Variants in DYNC2H1 observed in about 807,000 individuals in gnomAD.
DYNC2H1 encodes the protein dynein cytoplasmic 2 heavy chain 1.
In DYNC2H1, 410 loss-of-function variants were observed where a neutral mutation model predicts 570.0. That is an observed-to-expected ratio of 0.72 (90% confidence interval 0.66 to 0.78). The LOEUF is 0.78. Ranked by LOEUF, DYNC2H1 falls within the 30% of genes least tolerant of loss-of-function variation. The pLI is 0.00. For synonymous variants in DYNC2H1, 1,688 were observed against 1,677.6 expected (o/e 1.01, Z -0.15); for missense variants, 4,865 against 5,046.4 (o/e 0.96, Z 1.09).
At chr11:103,117,605 A>C in intron 5 of DYNC2H1, 26 bp from the exon 6 acceptor site, 1 of 1,510,920 alleles carries the variant, frequency 6.6e-7, no homozygotes, top group South Asian at 1.3e-5. Context: ...TATTTCCCTT[A>C]AACTCTTTGC....
intron 47 of DYNC2H1, among the ~76,000 whole-genome samples, chr11:103,194,403 C>T (rs1447923223): frequency 6.6e-6 from 1 of 152,040 alleles, no homozygotes; most frequent in African/African-American, 2.4e-5. Flanking sequence ...TTTGTGTGAA[C>T]ATACATTTTT....
chr11:103,121,533 T>C, intron 10 of DYNC2H1, 37 bp downstream of exon 10: 3 of 1,594,106 alleles, frequency 1.9e-6, no homozygotes, highest in Non-Finnish European at 2.6e-6. Context: ...GTACTAATTA[T>C]AAAATCTGCT....
intron 17 of DYNC2H1, among the ~76,000 whole-genome samples, chr11:103,138,830 C>A (rs547984776): frequency 7.9e-5 from 12 of 152,082 alleles, no homozygotes; most frequent in South Asian, 2.1e-4. Flanking sequence ...TCGGCTGTGA[C>A]TCCATCTGGT....
chr11:103,297,740 T>C (rs1404370296), intron 75 of DYNC2H1, among the ~76,000 whole-genome samples: 8 of 152,128 alleles, frequency 5.3e-5, no homozygotes, highest in Non-Finnish European at 8.8e-5. Flanking sequence ...TTTTCTTTCT[T>C]TCTATACTCA....
chr11:103,125,176 G>T lies in DYNC2H1; in HGVS notation c.1738G>T (p.Val580Leu). The T allele has an allele frequency of 6.2e-7, 1 of 1,613,648 alleles. No homozygotes were observed. Among genetic ancestry groups the T allele is most frequent in the Non-Finnish European group, 8.5e-7 (1 of 1,179,770 alleles). ...AAAAGTGCATTATTCAGATCGTTTG[G>T]TGATTCTTCTGAGAGAAGTTCGTCA... Reference protein sequence around the residue: ...LLKVHYSDRLVILLREVRQLS... With the variant: ...LLKVHYSDRLLILLREVRQLS... Residue 580 changes from valine to leucine, a missense_variant, in exon 12 of 89, where the codon GTG becomes TTG. By Grantham distance (32) the Val-to-Leu change is conservative (BLOSUM62 1). Transcript: ENST00000375735.
Position 103,168,828 on chromosome 11 carries a change from G to A in DYNC2H1, c.4836G>A (p.Gln1612=), listed in dbSNP as rs1353156483. 7 of 1,613,308 alleles carry A rather than the reference G, an allele frequency of 4.3e-6. No homozygotes were observed. Among genetic ancestry groups the A allele is most frequent in the African/African-American group, 2.7e-5 (2 of 75,000 alleles). The change falls in exon 32 of 89, where the codon CAG becomes CAA. Residue 1612 remains glutamine (Q), a synonymous_variant. Coordinates refer to ENST00000375735, the MANE Select transcript of DYNC2H1 (RefSeq NM_001377.3). ...TCCATAATATTGATGTGGTAAAGCA[G>A]TTAAACCAAATTCAGGTTCATACAA... The part of the protein sequence containing the change: ...DIIHNIDVVK[Q]LNQIQVHTTE...
In DYNC2H1 at chr11:103,245,496, C is replaced by A. The variant is rs866928196; in HGVS notation, c.10042+122C>A. ...GAGTCACACATGATGGGCTTACTTC[C>A]TTCAGCAATATGTGTAAAGTTGTGA... On this transcript the variant is annotated intron_variant, in intron 65 of 88. Transcript: ENST00000375735. This position sits in a 1 kb window ranked among gnomAD's most constrained non-coding sequence, Gnocchi z 4.5. 27 of 954,866 alleles carry A rather than the reference C, an allele frequency of 2.8e-5. No individual in the cohort carries two copies. The Middle Eastern group carries it at 3.5e-3, about 125-fold the overall frequency. 59.1% of individuals were successfully genotyped at this position (954,866 alleles called of 1,614,324 possible). A position where few individuals can be genotyped will look rare whatever the true frequency, so the allele number is the denominator to read the frequency against.
At position 103,280,959 on chromosome 11, in the gene DYNC2H1, G is replaced by A. The variant is rs1485888642; in HGVS notation, c.10761+546G>A. On this transcript the variant is annotated intron_variant, in intron 71 of 88. Coordinates refer to ENST00000375735, the MANE Select transcript of DYNC2H1 (RefSeq NM_001377.3). The surrounding 1 kb of genome is among the most constrained non-coding windows in gnomAD (Gnocchi z 4.7). ...CTTTAAAAGGACCTCCCTTGAGCTGGAGCTAACGAGACCATTTCTTGTCTG... is the reference window on the plus strand; with the variant it reads ...CTTTAAAAGGACCTCCCTTGAGCTGAAGCTAACGAGACCATTTCTTGTCTG... Among the ~76,000 whole-genome samples, 2 of 151,706 alleles carry A rather than the reference G, an allele frequency of 1.3e-5. No individual in the cohort carries two copies. The highest frequency in any genetic ancestry group is 2.9e-5 in the Non-Finnish European group (2 of 67,878).
chr11:103,128,493 G>C (rs1859104986), intron 12 of DYNC2H1, among the ~76,000 whole-genome samples: 1 of 152,150 alleles, frequency 6.6e-6, no homozygotes, highest in Non-Finnish European at 1.5e-5. Context: ...GAAGCATTAA[G>C]GATATCTCAA....
intron 82 of DYNC2H1, among the ~76,000 whole-genome samples, chr11:103,327,835 A>G (rs1437916180): frequency 1.3e-5 from 2 of 152,118 alleles, no homozygotes; most frequent in South Asian, 2.1e-4. Flanking sequence ...CCAATCTTCT[A>G]TTTCATGTTA....
At chr11:103,349,352 T>C (rs946904538) in intron 82 of DYNC2H1, among the ~76,000 whole-genome samples, 23 of 152,292 alleles carry the variant, frequency 1.5e-4, no homozygotes, top group African/African-American at 5.5e-4. Context: ...TCGTTGTGTA[T>C]ATACATGATA....
intron 83 of DYNC2H1, among the ~76,000 whole-genome samples, chr11:103,376,727 A>T (rs1565540415): frequency 6.6e-6 from 1 of 152,230 alleles, no homozygotes; most frequent in East Asian, 1.9e-4. Context: ...TTTACATAGC[A>T]CTATTAGAGC....
intron 83 of DYNC2H1, among the ~76,000 whole-genome samples, chr11:103,387,712 C>CTA (rs1941948269): frequency 6.6e-6 from 1 of 152,122 alleles, no homozygotes; most frequent in African/African-American, 2.4e-5. Context: ...TTTCAGCTTT[C>CTA]TATATATGGC....
At position 103,261,116 on chromosome 11, in the gene DYNC2H1, G is replaced by T. The variant is rs1025043706; in HGVS notation, c.10695+1139G>T. ...TAGTAATTTTTGTGATTTTGTTGAG[G>T]ATCTTTATTTGAGATACAGAATAAA... is the stretch of plus-strand genomic sequence containing the variant. On this transcript the variant is annotated intron_variant, in intron 70 of 88. Transcript: ENST00000375735. This position sits in a 1 kb window ranked among gnomAD's most constrained non-coding sequence, Gnocchi z 4.8. 6.6e-6 allele frequency among the ~76,000 whole-genome samples: 1 copy of T among 152,098 alleles called. No individual in the cohort carries two copies. The highest frequency in any genetic ancestry group is 1.5e-5 in the Non-Finnish European group (1 of 68,016).
At chr11:103,226,000 T>C (rs1370612270) in intron 59 of DYNC2H1, among the ~76,000 whole-genome samples, 1 of 152,054 alleles carries the variant, frequency 6.6e-6, no homozygotes, top group African/African-American at 2.4e-5. Flanking sequence ...AGTTCTTGAT[T>C]TGATTCTTAG....
In DYNC2H1 at chr11:103,456,266, C is replaced by T; in HGVS notation, c.12567-9C>T. The T allele has an allele frequency of 6.3e-7, 1 of 1,599,228 alleles. No homozygotes were observed. Among genetic ancestry groups the T allele is most frequent in the Non-Finnish European group, 8.5e-7 (1 of 1,170,946 alleles). On this transcript the variant is annotated splice_polypyrimidine_tract_variant and intron_variant, in intron 86 of 88. Transcript: ENST00000375735. ...ATTGATTTGTGACTTTGATGCTTTACCTTTACAGGGCAGTGGGTCGTTCTG... is the reference window on the plus strand; with the variant it reads ...ATTGATTTGTGACTTTGATGCTTTATCTTTACAGGGCAGTGGGTCGTTCTG...
chr11:103,150,252 A>T (rs1192119190), intron 20 of DYNC2H1, among the ~76,000 whole-genome samples: 2 of 152,210 alleles, frequency 1.3e-5, no homozygotes, highest in East Asian at 3.9e-4. Context: ...TGTCTCTGAC[A>T]TTTTGAAGTG....
At chr11:103,456,429 T>G in intron 87 of DYNC2H1, 73 bp downstream of exon 87, 1 of 1,236,366 alleles carries the variant, frequency 8.1e-7, no homozygotes, top group South Asian at 1.4e-5. Context: ...GAAATTTTGA[T>G]CTCAAAGTGA....
intron 58 of DYNC2H1, 67 bp downstream of exon 58, chr11:103,222,220 G>A (rs1863615082): frequency 3.6e-6 from 4 of 1,099,760 alleles, no homozygotes; most frequent in Non-Finnish European, 5.0e-6. Context: ...TTTAAAATGT[G>A]GTGCTTTGTC....
Sources: gnomAD v4.1 joint callset for allele counts (sites outside exome capture counted in the v4.1 genomes callset) on GRCh38, gnomAD v4.1.1 for gene constraint, Gnocchi (gnomAD v3.1) non-coding constraint, MANE v1.5 for transcripts, NCBI Gene and HGNC (gene_info 2026-07-23, HGNC 2026-07-21) for gene names.